Variants in CHST11 observed in about 807,000 individuals in gnomAD.
The protein encoded by CHST11 is C4S-1.
In CHST11, 9 loss-of-function variants were observed where a neutral mutation model predicts 30.4. That is an observed-to-expected ratio of 0.30 (90% CI 0.18 to 0.52). CHST11 has a LOEUF of 0.52. Ranked by LOEUF, CHST11 falls within the 20% of genes least tolerant of loss-of-function variation. CHST11 has a pLI of 0.97. For synonymous variants in CHST11, 152 were observed against 187.8 expected (o/e 0.81, Z 1.56); for missense variants, 348 against 460.6 (o/e 0.76, Z 2.24).
At chr12:104,561,761 G>A (rs183866878) in intron 1 of CHST11, among the ~76,000 whole-genome samples, 5 of 151,742 alleles carry the variant, frequency 3.3e-5, no homozygotes, top group Admixed American at 1.3e-4. Flanking sequence ...TCCTCACAAC[G>A]GTCTTACTGC....
intron 2 of CHST11, among the ~76,000 whole-genome samples, chr12:104,624,749 G>A (rs543528107): frequency 2.0e-5 from 3 of 152,248 alleles, no homozygotes; most frequent in South Asian, 4.1e-4. Flanking sequence ...AACATACCAC[G>A]GACTGGGTGG....
At chr12:104,750,428 CTTTTTTTTTTTTT>C (rs10659007) in intron 2 of CHST11, among the ~76,000 whole-genome samples, 7 of 48,836 alleles carry the variant, frequency 1.4e-4, no homozygotes, top group South Asian at 8.8e-4. Flanking sequence ...TATTTCTGCA[CTTTTTTTTTTTTT>C]TTTTTTTTTT....
chr12:104,660,313 C>T (rs1178328385), intron 2 of CHST11, among the ~76,000 whole-genome samples: 3 of 152,226 alleles, frequency 2.0e-5, no homozygotes, highest in Non-Finnish European at 4.4e-5. Flanking sequence ...GAAAGGGCTA[C>T]AGGCTGGGTT....
intron 1 of CHST11, among the ~76,000 whole-genome samples, chr12:104,502,848 T>G (rs562658197): frequency 7.9e-5 from 12 of 152,212 alleles, no homozygotes; most frequent in Non-Finnish European, 1.3e-4. Context: ...GCCCTTCTAC[T>G]GAGTCAGCAA....
rs772898978 is a variant in CHST11 at position 104,758,078 on chromosome 12, C to G, written c.*275C>G. 6.8e-6 allele frequency: 2 copies of G among 294,280 alleles called. No homozygotes were observed. The highest frequency in any genetic ancestry group is 2.2e-5 in the African/African-American group (1 of 45,786). 18.2% of individuals were successfully genotyped at this position (294,280 alleles called of 1,614,324 possible). On this transcript the variant is annotated 3_prime_UTR_variant, in exon 3 of 3. Transcript: ENST00000303694. ...GGTGAATTCCATGAATTGTGCATTC[C>G]ATAAATTCTAATTAATATTATTTAT...
At chr12:104,736,827 A>G (rs369512885) in intron 2 of CHST11, among the ~76,000 whole-genome samples, 7 of 152,320 alleles carry the variant, frequency 4.6e-5, no homozygotes, top group African/African-American at 1.4e-4. Flanking sequence ...TAGGTGTACT[A>G]GAAGTCATGT....
At chr12:104,494,752 CA>C (rs2037783635) in intron 1 of CHST11, among the ~76,000 whole-genome samples, 1 of 152,084 alleles carries the variant, frequency 6.6e-6, no homozygotes, top group Admixed American at 6.6e-5. Flanking sequence ...AACACTTAAA[CA>C]ATTCAGGGTG....
At chr12:104,739,018 G>T (rs1012284754) in intron 2 of CHST11, among the ~76,000 whole-genome samples, 3 of 152,232 alleles carry the variant, frequency 2.0e-5, no homozygotes, top group African/African-American at 7.2e-5. Flanking sequence ...TGCTGGGCAG[G>T]GGTGAGGGGT....
At chr12:104,696,431 A>AT (rs545005160) in intron 2 of CHST11, among the ~76,000 whole-genome samples, 390 of 143,680 alleles carry the variant, frequency 2.7e-3, no homozygotes, top group Non-Finnish European at 4.8e-3. Flanking sequence ...GAGGTCAGGA[A>AT]TTCAAGACCA....
At chr12:104,660,407 G>A (rs1338694563) in intron 2 of CHST11, among the ~76,000 whole-genome samples, 1 of 152,206 alleles carries the variant, frequency 6.6e-6, no homozygotes, top group East Asian at 1.9e-4. Context: ...TGGGTTTGAT[G>A]GCAGAGCCAC....
At chr12:104,698,878 A>G (rs754559079) in intron 2 of CHST11, among the ~76,000 whole-genome samples, 69 of 152,264 alleles carry the variant, frequency 4.5e-4, no homozygotes, top group Non-Finnish European at 3.5e-4. Context: ...TTTACTCTTT[A>G]TACTTAAAAG....
chr12:104,569,955 A>G (rs2038607925), intron 1 of CHST11, among the ~76,000 whole-genome samples: 1 of 152,146 alleles, frequency 6.6e-6, no homozygotes, highest in African/African-American at 2.4e-5. Context: ...GGCCATCTGA[A>G]CAGCCCCCTC....
chr12:104,485,859 T>G (rs937151478), intron 1 of CHST11, among the ~76,000 whole-genome samples: 2 of 152,238 alleles, frequency 1.3e-5, no homozygotes, highest in Admixed American at 6.5e-5. Flanking sequence ...GCCTCCTCCC[T>G]TCAGGGCCCC....
chr12:104,548,683 G>A (rs1160937646), intron 1 of CHST11, among the ~76,000 whole-genome samples: 1 of 152,122 alleles, frequency 6.6e-6, no homozygotes, highest in Non-Finnish European at 1.5e-5. Flanking sequence ...AGTTGCAGGA[G>A]AGGCAAGAAA....
chr12:104,581,166 A>C (rs572181052), intron 1 of CHST11, among the ~76,000 whole-genome samples: 1 of 152,136 alleles, frequency 6.6e-6, no homozygotes, highest in Non-Finnish European at 1.5e-5. Flanking sequence ...TGCTTCTTGC[A>C]TCCTTATCCT....
Position 104,492,757 on chromosome 12 carries a change from G to T in CHST11, c.118+35228G>T, listed in dbSNP as rs531461249. ...GTAATAAGAATCCAGGATGTGTCCG[G>T]GTGCGGTGGCTCACGCCTGTAATCC... On this transcript the variant is annotated intron_variant, in intron 1 of 2. Coordinates refer to ENST00000303694, the MANE Select transcript of CHST11 (RefSeq NM_018413.6). Among the ~76,000 whole-genome samples the T allele has an allele frequency of 4.6e-5, 7 of 152,282 alleles. No homozygotes were observed. In the East Asian group the frequency reaches 1.2e-3, roughly 25 times the overall value.
intron 2 of CHST11, among the ~76,000 whole-genome samples, chr12:104,697,898 G>A (rs150324718): frequency 1.2e-4 from 18 of 152,228 alleles, no homozygotes; most frequent in Middle Eastern, 3.4e-3. Flanking sequence ...AGTAAAGGGC[G>A]ACTTCCTATG....
At chr12:104,626,368 A>G (rs1285733783) in intron 2 of CHST11, among the ~76,000 whole-genome samples, 2 of 152,126 alleles carry the variant, frequency 1.3e-5, no homozygotes, top group African/African-American at 4.8e-5. Context: ...CCCTCTTACA[A>G]TTATGTCATT....
intron 1 of CHST11, among the ~76,000 whole-genome samples, chr12:104,487,508 C>T (rs558527373): frequency 2.6e-5 from 4 of 152,336 alleles, no homozygotes; most frequent in East Asian, 3.9e-4. Context: ...GCGATGCTCC[C>T]GCTTCAACCT....
Sources: allele counts gnomAD v4.1 joint callset (sites outside exome capture counted in the v4.1 genomes callset), GRCh38; gene constraint gnomAD v4.1.1; transcripts MANE v1.5; gene names NCBI Gene and HGNC (gene_info 2026-07-23, HGNC 2026-07-21).